ZNF704: variants seen among roughly 807,000 people sequenced by gnomAD.
ZNF704 encodes zinc finger protein 704.
A neutral mutation model predicts 44.7 loss-of-function variants in ZNF704; 10 were observed. The observed-to-expected ratio is 0.22, with a 90% CI of 0.14 to 0.38. The LOEUF (loss-of-function observed/expected upper bound fraction) is 0.38. ZNF704 is among the 10% of genes least tolerant of loss of function. ZNF704 has a pLI of 1.00. For missense variants in ZNF704, 390 were observed against 545.5 expected, an observed-to-expected ratio of 0.71 and a Z score of 2.84; for synonymous variants, 211 against 207.6, an observed-to-expected ratio of 1.02 and a Z score of -0.14.
rs1185485910 is a variant in ZNF704 at position 80,664,918 on chromosome 8, C to G, written c.824G>C (p.Arg275Pro). ...PPTFPIPDSS[R>P]TETPCAKTET... ...CGTTTTGGCACAAGGAGTTTCTGTT[C>G]GGCTTGAATCTGGGATGGGGAAAGT... Residue 275 changes from arginine to proline, a missense_variant, in exon 6 of 9, where the codon CGA becomes CCA. By Grantham distance (103) the Arg-to-Pro change is moderately radical (BLOSUM62 -2). Coordinates refer to ENST00000327835, the MANE Select transcript of ZNF704 (RefSeq NM_001033723.3). 6.2e-7 allele frequency: 1 copy of G among 1,614,110 alleles called. No homozygotes were observed. The highest frequency in any genetic ancestry group is 1.3e-5 in the African/African-American group (1 of 75,016).
At chr8:80,660,667 C>T (rs1304516336) in intron 6 of ZNF704, among the ~76,000 whole-genome samples, 5 of 151,990 alleles carry the variant, frequency 3.3e-5, no homozygotes, top group African/African-American at 7.3e-5. Context: ...TTGACCAAGG[C>T]GATGAGAACA....
intron 5 of ZNF704, among the ~76,000 whole-genome samples, chr8:80,666,630 T>C (rs1818199290): frequency 6.6e-6 from 1 of 152,148 alleles, no homozygotes; most frequent in Admixed American, 6.5e-5. Flanking sequence ...GCACCTGTTG[T>C]TTCCTGACTC....
At chr8:80,863,722 T>A (rs755271200) in intron 1 of ZNF704, among the ~76,000 whole-genome samples, 1 of 152,214 alleles carries the variant, frequency 6.6e-6, no homozygotes, top group Non-Finnish European at 1.5e-5. Flanking sequence ...AGAGTTATTA[T>A]ACATGGTATC....
intron 2 of ZNF704, among the ~76,000 whole-genome samples, chr8:80,699,081 T>C (rs568893813): frequency 2.0e-5 from 3 of 152,322 alleles, no homozygotes; most frequent in East Asian, 1.9e-4. Flanking sequence ...TTAGCAACTA[T>C]TGAAATCTGC....
chr8:80,752,494 T>A (rs933117449), intron 2 of ZNF704, among the ~76,000 whole-genome samples: 2 of 151,904 alleles, frequency 1.3e-5, no homozygotes, highest in African/African-American at 4.8e-5. Flanking sequence ...TGAGCCAAGC[T>A]CTTTATAATG....
At chr8:80,882,458 T>C in the ZNF704 span, among the ~76,000 whole-genome samples, 1 of 152,228 alleles carries the variant, frequency 6.6e-6, no homozygotes, top group Non-Finnish European at 1.5e-5. Context: ...CCTGATAGAA[T>C]CAGAGTTTTT....
chr8:80,812,782 C>T (rs1013130179), intron 2 of ZNF704, among the ~76,000 whole-genome samples: 21 of 152,068 alleles, frequency 1.4e-4, no homozygotes, highest in Non-Finnish European at 2.6e-4. Flanking sequence ...AGATATAGTT[C>T]ACATTAAATT....
chr8:80,672,877 T>C (rs1056472791), intron 4 of ZNF704, among the ~76,000 whole-genome samples: 2 of 151,928 alleles, frequency 1.3e-5, no homozygotes, highest in Non-Finnish European at 2.9e-5. Flanking sequence ...AATATACCCA[T>C]GTAACGAACC....
intron 2 of ZNF704, among the ~76,000 whole-genome samples, chr8:80,714,773 C>T (rs1819045690): frequency 6.6e-6 from 1 of 152,162 alleles, no homozygotes; most frequent in Admixed American, 6.5e-5. Flanking sequence ...CATTTTAAGT[C>T]ACATGGCGGC....
intron 6 of ZNF704, among the ~76,000 whole-genome samples, chr8:80,664,498 C>T (rs186850938): frequency 1.5e-3 from 224 of 151,966 alleles, no homozygotes; most frequent in Non-Finnish European, 2.5e-3. Context: ...CTCGAACTCC[C>T]GACCTCAGGT....
At chr8:80,737,960 G>T (rs971336601) in intron 2 of ZNF704, among the ~76,000 whole-genome samples, 1 of 152,130 alleles carries the variant, frequency 6.6e-6, no homozygotes, top group Non-Finnish European at 1.5e-5. Flanking sequence ...TAGTTGGCAT[G>T]TTTCTTCTAG....
chr8:80,759,336 G>T (rs927025356), intron 2 of ZNF704, among the ~76,000 whole-genome samples: 123 of 148,134 alleles, frequency 8.3e-4, no homozygotes, highest in African/African-American at 3.0e-3. Flanking sequence ...TACAAGCTTT[G>T]GACTGGGTGA....
At chr8:80,710,106 T>C (rs112178333) in intron 2 of ZNF704, among the ~76,000 whole-genome samples, 163 of 152,272 alleles carry the variant, frequency 1.1e-3, no homozygotes, top group South Asian at 1.0e-3. Context: ...GGGAAAAAGA[T>C]GGTCAGGTTA....
intron 2 of ZNF704, among the ~76,000 whole-genome samples, chr8:80,753,519 A>G (rs1010678816): frequency 5.3e-5 from 8 of 152,128 alleles, no homozygotes; most frequent in African/African-American, 1.9e-4. Flanking sequence ...AACAAAAGTT[A>G]AATGTGGCCT....
chr8:80,853,636 C>T (rs1482272956), intron 1 of ZNF704, among the ~76,000 whole-genome samples: 1 of 151,890 alleles, frequency 6.6e-6, no homozygotes, highest in Non-Finnish European at 1.5e-5. Flanking sequence ...AAAGAACAAA[C>T]AGAACTTGGT....
At chr8:80,734,805 C>T (rs934789270) in intron 2 of ZNF704, among the ~76,000 whole-genome samples, 2 of 152,190 alleles carry the variant, frequency 1.3e-5, no homozygotes, top group African/African-American at 2.4e-5. Context: ...TTTTCACTAT[C>T]GTCACTATCT....
intron 1 of ZNF704, among the ~76,000 whole-genome samples, chr8:80,855,672 C>T (rs548015797): frequency 7.9e-5 from 12 of 152,164 alleles, no homozygotes; most frequent in Admixed American, 1.3e-4. Flanking sequence ...ATACAATGTA[C>T]GTTATTTAAG....
At chr8:80,670,409 C>G in intron 5 of ZNF704, 94 bp downstream of exon 5, 1 of 887,474 alleles carries the variant, frequency 1.1e-6, no homozygotes, top group South Asian at 1.5e-5. Context: ...GTGTCCAGAA[C>G]CTTTAAGGCA....
intron 2 of ZNF704, among the ~76,000 whole-genome samples, chr8:80,799,962 G>C (rs1270150160): frequency 6.6e-6 from 1 of 152,156 alleles, no homozygotes; most frequent in East Asian, 1.9e-4. Flanking sequence ...AGCTAGTTTA[G>C]AGAGGAACAT....
Sources: allele counts gnomAD v4.1 joint callset (sites outside exome capture counted in the v4.1 genomes callset), GRCh38; gene constraint gnomAD v4.1.1; transcripts MANE v1.5; gene names NCBI Gene and HGNC (gene_info 2026-07-23, HGNC 2026-07-21).